Variants in PALLD observed in about 807,000 individuals in gnomAD.
PALLD encodes palladin, cytoskeletal associated protein, also known as palladin.
In PALLD, 61 loss-of-function variants were observed where a neutral mutation model predicts 123.5. The ratio of observed to expected loss-of-function variants is 0.49; its 90% CI spans 0.40 to 0.61. The LOEUF (loss-of-function observed/expected upper bound fraction) is 0.61, where lower values mean the gene tolerates loss of function less well. PALLD is among the 20% of genes least tolerant of loss of function. The pLI is 0.00. For missense variants in PALLD, 1,273 were observed against 1,377.0 expected (o/e 0.92, Z 1.20); for synonymous variants, 465 against 496.4 (o/e 0.94, Z 0.84).
chr4:168,539,960 T>G (rs529016544), intron 2 of PALLD, among the ~76,000 whole-genome samples: 1 of 151,974 alleles, frequency 6.6e-6, no homozygotes, highest in East Asian at 1.9e-4. Context: ...CCCCTTCCCT[T>G]CTCCCTCCCT....
At chr4:168,580,914 A>C (rs1005249067) in intron 2 of PALLD, among the ~76,000 whole-genome samples, 1 of 152,104 alleles carries the variant, frequency 6.6e-6, no homozygotes, top group Admixed American at 6.6e-5. Context: ...ATTAGCAGCC[A>C]AAAAATGAGA....
Position 168,896,595 on chromosome 4 carries a change from A to G in PALLD, c.2246A>G (p.Gln749Arg), listed in dbSNP as rs539957451. ...HASVGSPLDG[Q>R]KEYKVSSCEQ... ...TCTGTAGGGAGTCCTCTGGATGGTC[A>G]AAAGGTTAAGCTTTTCACCTTTCTT... is the stretch of plus-strand genomic sequence containing the variant. Residue 749 changes from glutamine to arginine, a missense_variant, in exon 13 of 22, where the codon CAA (glutamine) becomes CGA (arginine). Around this residue, in one of 2 missense-constraint regions of PALLD, gnomAD observed 944 missense variants for 954.5 expected, o/e 0.99. Transcript: ENST00000505667. 4 of 1,504,660 alleles carry G rather than the reference A, an allele frequency of 2.7e-6. No individual in the cohort carries two copies. The South Asian group carries it at 4.8e-5, about 18-fold the overall frequency. The allele number at this position is 1,504,660 out of a possible 1,614,324, so 93.2% of individuals were successfully genotyped here. A position where few individuals can be genotyped will look rare whatever the true frequency, so the allele number is the denominator to read the frequency against.
chr4:168,761,658 T>TG (rs750820984), intron 10 of PALLD, among the ~76,000 whole-genome samples: 45 of 43,066 alleles, frequency 1.0e-3, no homozygotes, highest in African/African-American at 3.9e-3. Context: ...TTTTTTTTTT[T>TG]TTTTTTTTTT....
At chr4:168,718,132 G>A (rs948846666) in intron 10 of PALLD, among the ~76,000 whole-genome samples, 3 of 152,186 alleles carry the variant, frequency 2.0e-5, no homozygotes, top group Non-Finnish European at 2.9e-5. Context: ...CAACTCCAAC[G>A]TGTGGCTTTG....
intron 10 of PALLD, among the ~76,000 whole-genome samples, chr4:168,890,256 G>A (rs988598623): frequency 2.6e-5 from 4 of 152,102 alleles, no homozygotes; most frequent in African/African-American, 9.7e-5. Flanking sequence ...AAGAGCCCTG[G>A]CCTCACCAGA....
intron 10 of PALLD, among the ~76,000 whole-genome samples, chr4:168,742,850 A>G (rs1788493751): frequency 6.6e-6 from 1 of 152,192 alleles, no homozygotes; most frequent in Non-Finnish European, 1.5e-5. Flanking sequence ...CTAGTAATTT[A>G]TTGAATGTAG....
intron 10 of PALLD, among the ~76,000 whole-genome samples, chr4:168,756,610 G>C (rs895930983): frequency 6.6e-6 from 1 of 152,210 alleles, no homozygotes; most frequent in African/African-American, 2.4e-5. Context: ...TGCATGAAAG[G>C]TGGTATTTAT....
intron 10 of PALLD, among the ~76,000 whole-genome samples, chr4:168,739,432 G>A (rs1378911362): frequency 6.6e-6 from 1 of 152,168 alleles, no homozygotes; most frequent in African/African-American, 2.4e-5. Context: ...GTTTTTGGAG[G>A]AAGATAAAGA....
At chr4:168,503,280 T>C (rs958357451) in intron 1 of PALLD, among the ~76,000 whole-genome samples, 2 of 152,174 alleles carry the variant, frequency 1.3e-5, no homozygotes, top group Admixed American at 6.5e-5. Flanking sequence ...CAAATTATAT[T>C]GATTGGGGAA....
At chr4:168,832,320 A>C in intron 10 of PALLD, 1 of 536,356 alleles carries the variant, frequency 1.9e-6, no homozygotes, top group Non-Finnish European at 2.4e-6. Flanking sequence ...CGCACTTTCC[A>C]CCCGGCCGGT....
At chr4:168,884,448 C>G (rs1441643404) in intron 10 of PALLD, among the ~76,000 whole-genome samples, 1 of 152,210 alleles carries the variant, frequency 6.6e-6, no homozygotes, top group East Asian at 1.9e-4. Context: ...TAGCCAGCCA[C>G]TTCCTATGGT....
chr4:168,735,229 G>T (rs1411374067), intron 10 of PALLD, among the ~76,000 whole-genome samples: 1 of 152,112 alleles, frequency 6.6e-6, no homozygotes, highest in African/African-American at 2.4e-5. Context: ...CCGCACCACA[G>T]ACTAGACTGC....
intron 10 of PALLD, among the ~76,000 whole-genome samples, chr4:168,759,730 G>C (rs1297853667): frequency 6.6e-6 from 1 of 152,100 alleles, no homozygotes; most frequent in African/African-American, 2.4e-5. Context: ...GGATTATGAG[G>C]GAAGCAAAAA....
intron 10 of PALLD, among the ~76,000 whole-genome samples, chr4:168,769,140 T>C (rs1734073567): frequency 2.6e-5 from 4 of 152,114 alleles, no homozygotes; most frequent in Admixed American, 1.3e-4. Context: ...TTTATTTGAG[T>C]GTGTATAGAT....
At chr4:168,708,329 C>A (rs1050329122) in intron 8 of PALLD, among the ~76,000 whole-genome samples, 2 of 152,152 alleles carry the variant, frequency 1.3e-5, no homozygotes, top group African/African-American at 4.8e-5. Flanking sequence ...TTTTGTGTGT[C>A]ATGCATGACT....
chr4:168,850,318 G>C (rs1266433345), intron 10 of PALLD, among the ~76,000 whole-genome samples: 2 of 151,860 alleles, frequency 1.3e-5, no homozygotes, highest in Non-Finnish European at 2.9e-5. Context: ...AAAGATAAGA[G>C]GGAAACATTT....
chr4:168,883,615 A>T (rs1314827201), intron 10 of PALLD, among the ~76,000 whole-genome samples: 3 of 152,240 alleles, frequency 2.0e-5, no homozygotes, highest in Non-Finnish European at 2.9e-5. Flanking sequence ...AGCCAAAAAA[A>T]GAGACCTCTT....
intron 2 of PALLD, among the ~76,000 whole-genome samples, chr4:168,588,047 T>C (rs2149678342): frequency 6.6e-6 from 1 of 152,092 alleles, no homozygotes; most frequent in African/African-American, 2.4e-5. Context: ...AATCTGGTGC[T>C]AACTGGCGCT....
At chr4:168,505,221 A>G (rs1761888559) in intron 1 of PALLD, among the ~76,000 whole-genome samples, 1 of 152,222 alleles carries the variant, frequency 6.6e-6, no homozygotes, top group South Asian at 2.1e-4. Flanking sequence ...CAGATATGCC[A>G]TAGAACTATT....
Sources: gnomAD v4.1 joint callset for allele counts (sites outside exome capture counted in the v4.1 genomes callset) on GRCh38, gnomAD v4.1.1 for gene constraint, gnomAD v4.1.1 regional missense constraint, MANE v1.5 for transcripts, NCBI Gene and HGNC (gene_info 2026-07-23, HGNC 2026-07-21) for gene names.